Variants in ME1 observed in about 807,000 individuals in gnomAD.
The protein encoded by ME1 is NADP-dependent malic enzyme.
In ME1, 74 loss-of-function variants were observed where a neutral mutation model predicts 66.4. The observed-to-expected ratio is 1.11, with a 90% CI of 0.92 to 1.35. The LOEUF (loss-of-function observed/expected upper bound fraction) is 1.35, where lower values mean the gene tolerates loss of function less well. Among genes scored for constraint, ME1 ranks in the 40% most tolerant of loss-of-function variants. The probability of loss-of-function intolerance (pLI) is 0.00; values close to 1 mark genes in which losing one functional copy is unlikely to be tolerated. For synonymous variants in ME1, 251 were observed against 235.6 expected (o/e 1.07, Z -0.60); for missense variants, 750 against 694.1 (o/e 1.08, Z -0.90).
At chr6:83,393,415 C>G (rs1264695155) in intron 3 of ME1, 6 of 656,158 alleles carry the variant, frequency 9.1e-6, no homozygotes, top group Admixed American at 6.6e-5. Context: ...AGTAAGACCC[C>G]CAGACCACCA....
intron 3 of ME1, among the ~76,000 whole-genome samples, chr6:83,362,868 C>T (rs13215826): frequency 0.32 from 48,854 of 152,068 alleles, 8,227 homozygotes; most frequent in Middle Eastern, 0.5. Flanking sequence ...ACTTTATGGC[C>T]AAAGAAGTGT....
intron 1 of ME1, among the ~76,000 whole-genome samples, chr6:83,409,892 G>T (rs1056201165): frequency 2.6e-5 from 4 of 152,214 alleles, no homozygotes; most frequent in African/African-American, 7.2e-5. Flanking sequence ...TTCAATTTGT[G>T]TGGACAGCAG....
intron 3 of ME1, among the ~76,000 whole-genome samples, chr6:83,356,756 T>C (rs1295823989): frequency 6.6e-6 from 1 of 152,204 alleles, no homozygotes; most frequent in Admixed American, 6.5e-5. Context: ...TTGTTTTTTT[T>C]TCCTGAACTA....
At chr6:83,237,618 A>G (rs1790440491) in intron 9 of ME1, 99 bp downstream of exon 9, 2 of 591,806 alleles carry the variant, frequency 3.4e-6, no homozygotes, top group African/African-American at 1.9e-5. Flanking sequence ...CTCTTTTAAT[A>G]TAGTGTAAAG....
At chr6:83,247,388 A>G (rs1790644003) in intron 7 of ME1, among the ~76,000 whole-genome samples, 1 of 152,128 alleles carries the variant, frequency 6.6e-6, no homozygotes, top group Admixed American at 6.6e-5. Context: ...TATAATGAGA[A>G]TGCATTCATG....
At chr6:83,278,575 G>A (rs1325369053) in intron 6 of ME1, among the ~76,000 whole-genome samples, 1 of 151,822 alleles carries the variant, frequency 6.6e-6, no homozygotes, top group African/African-American at 2.4e-5. Flanking sequence ...TCAACTAACT[G>A]TGATTATGGA....
At chr6:83,409,630 G>A (rs1298648474) in intron 1 of ME1, among the ~76,000 whole-genome samples, 1 of 152,128 alleles carries the variant, frequency 6.6e-6, no homozygotes, top group Non-Finnish European at 1.5e-5. Flanking sequence ...CTGGGTTGAG[G>A]GCCAGACTGA....
intron 5 of ME1, among the ~76,000 whole-genome samples, chr6:83,325,249 G>A (rs1012651581): frequency 5.9e-5 from 9 of 152,112 alleles, no homozygotes; most frequent in African/African-American, 2.2e-4. Flanking sequence ...TAAACCCACA[G>A]CCAATATCAT....
At chr6:83,420,346 G>T (rs1583427625) in intron 1 of ME1, among the ~76,000 whole-genome samples, 1 of 152,142 alleles carries the variant, frequency 6.6e-6, no homozygotes, top group Non-Finnish European at 1.5e-5. Flanking sequence ...TGGATTACAG[G>T]CATAAGCCAC....
At chr6:83,298,933 T>A (rs1246287821) in intron 6 of ME1, among the ~76,000 whole-genome samples, 1 of 44,618 alleles carries the variant, frequency 2.2e-5, no homozygotes, top group Non-Finnish European at 4.4e-5. Flanking sequence ...ATGTGTCTGT[T>A]TTTTTTTTTT....
chr6:83,349,277 T>C (rs1236234447), intron 4 of ME1, among the ~76,000 whole-genome samples: 1 of 152,152 alleles, frequency 6.6e-6, no homozygotes, highest in African/African-American at 2.4e-5. Flanking sequence ...AAAAGTTTTG[T>C]CACTTATGTA....
intron 6 of ME1, among the ~76,000 whole-genome samples, chr6:83,293,755 T>G (rs1767546597): frequency 6.6e-6 from 1 of 152,210 alleles, no homozygotes; most frequent in South Asian, 2.1e-4. Flanking sequence ...TTGCCTTCAT[T>G]CCAGGGTATC....
intron 6 of ME1, among the ~76,000 whole-genome samples, chr6:83,306,744 C>T (rs924224358): frequency 1.3e-5 from 2 of 151,972 alleles, no homozygotes; most frequent in Non-Finnish European, 2.9e-5. Context: ...TATTTTATGC[C>T]TACTGTAGGG....
At chr6:83,339,969 A>AT (rs1768544711) in intron 5 of ME1, among the ~76,000 whole-genome samples, 1 of 125,658 alleles carries the variant, frequency 8.0e-6, no homozygotes, top group Non-Finnish European at 1.7e-5. Context: ...TTAGAGTATA[A>AT]TAAAAAAAAA....
At chr6:83,381,023 A>G (rs1338889682) in intron 3 of ME1, among the ~76,000 whole-genome samples, 1 of 152,094 alleles carries the variant, frequency 6.6e-6, no homozygotes, top group Admixed American at 6.6e-5. Context: ...GAACATGGAG[A>G]GAAATATCTG....
At chr6:83,295,278 T>C (rs1277266704) in intron 6 of ME1, among the ~76,000 whole-genome samples, 1 of 152,188 alleles carries the variant, frequency 6.6e-6, no homozygotes, top group Non-Finnish European at 1.5e-5. Context: ...GTACTCAATC[T>C]ACCTGGCAGT....
chr6:83,302,787 T>C (rs892059892), intron 6 of ME1, among the ~76,000 whole-genome samples: 7 of 152,116 alleles, frequency 4.6e-5, no homozygotes, highest in Non-Finnish European at 7.4e-5. Flanking sequence ...AAACTATTTA[T>C]TTATACAATG....
At chr6:83,405,347 C>T (rs1769919421) in intron 2 of ME1, among the ~76,000 whole-genome samples, 1 of 152,128 alleles carries the variant, frequency 6.6e-6, no homozygotes, top group African/African-American at 2.4e-5. Flanking sequence ...GACTTTTGCA[C>T]ATTGATTTGA....
chr6:83,278,389 C>T (rs1310909556), intron 6 of ME1, among the ~76,000 whole-genome samples: 1 of 152,122 alleles, frequency 6.6e-6, no homozygotes, highest in South Asian at 2.1e-4. Flanking sequence ...GGAAAAGTCC[C>T]CCTTGTGCTT....
Sources: allele counts gnomAD v4.1 joint callset (sites outside exome capture counted in the v4.1 genomes callset), GRCh38; gene constraint gnomAD v4.1.1; transcripts MANE v1.5; gene names NCBI Gene and HGNC (gene_info 2026-07-23, HGNC 2026-07-21).